IL31RA: variants seen among roughly 807,000 people sequenced by gnomAD.
IL31RA encodes the protein interleukin 31 receptor A.
IL31RA carries 66 observed loss-of-function variants against 83.7 expected under a neutral mutation model. The observed-to-expected ratio is 0.79, with a 90% CI of 0.65 to 0.97. IL31RA has a LOEUF of 0.97. Ranked by LOEUF, IL31RA falls within the 50% of genes least tolerant of loss-of-function variation. The pLI is 0.00. For synonymous variants in IL31RA, 325 were observed against 329.0 expected (o/e 0.99, Z 0.13); for missense variants, 798 against 919.4 (o/e 0.87, Z 1.71).
At chr5:55,911,067 C>G (rs1561124281) in intron 12 of IL31RA, among the ~76,000 whole-genome samples, 1 of 152,162 alleles carries the variant, frequency 6.6e-6, no homozygotes, top group Non-Finnish European at 1.5e-5. Flanking sequence ...TTTCACGCTG[C>G]TGATAAAGAC....
Position 55,890,082 on chromosome 5 carries a change from CA to C in IL31RA, c.722del (p.Lys241SerfsTer13). The C allele has an allele frequency of 6.2e-7, 1 of 1,613,904 alleles. No homozygotes were observed. The highest frequency in any genetic ancestry group is 8.5e-7 in the Non-Finnish European group (1 of 1,179,874). On this transcript the variant is annotated frameshift_variant, in exon 6 of 15. Coordinates refer to ENST00000652347, the MANE Select transcript of IL31RA (RefSeq NM_139017.7). LOFTEE classifies it high-confidence loss of function. ...GCTCTGCGATGTGCGGTCAAGGAGTCAAAGTTCTGGAGTGACTGGAGCCAAG... is the reference window on the plus strand; with the variant it reads ...GCTCTGCGATGTGCGGTCAAGGAGTCAAGTTCTGGAGTGACTGGAGCCAAG... The part of the protein sequence containing the change: ...VIALRCAVKE[S>X]KFWSDWSQEK...
chr5:55,853,416 C>G, intron 1 of IL31RA: 1 of 1,441,810 alleles, frequency 6.9e-7, no homozygotes, highest in Non-Finnish European at 9.1e-7. Context: ...CGCAGACAAT[C>G]AGAGTGGAAA....
upstream of IL31RA, among the ~76,000 whole-genome samples, chr5:55,850,860 G>A (rs1745036515): frequency 6.6e-6 from 1 of 152,156 alleles, no homozygotes; most frequent in Non-Finnish European, 1.5e-5. Flanking sequence ...GGAGGCCGAG[G>A]CAGGTGGATC....
chr5:55,891,733 A>AT (rs1748005465), intron 6 of IL31RA, among the ~76,000 whole-genome samples: 1 of 132,828 alleles, frequency 7.5e-6, no homozygotes, highest in Admixed American at 7.8e-5. Flanking sequence ...ATAAGGAAAC[A>AT]TTTACAGGTT....
intron 4 of IL31RA, among the ~76,000 whole-genome samples, chr5:55,876,835 A>G (rs955641073): frequency 1.3e-5 from 2 of 151,714 alleles, no homozygotes; most frequent in East Asian, 3.9e-4. Flanking sequence ...CCTCAAATGA[A>G]CCCTCTGCTT....
intron 7 of IL31RA, among the ~76,000 whole-genome samples, chr5:55,897,667 GAGA>G (rs34676337): frequency 0.27 from 41,507 of 151,828 alleles, 5,853 homozygotes; most frequent in East Asian, 0.38. Context: ...GGGGAATGCA[GAGA>G]AGAAGAAGAG....
At chr5:55,895,611 A>C (rs1364551163) in intron 6 of IL31RA, among the ~76,000 whole-genome samples, 3 of 152,162 alleles carry the variant, frequency 2.0e-5, no homozygotes, top group Non-Finnish European at 4.4e-5. Flanking sequence ...CACATATATG[A>C]TATTTCTGTG....
At chr5:55,884,982 AC>A (rs1580698472) in intron 5 of IL31RA, among the ~76,000 whole-genome samples, 1 of 152,304 alleles carries the variant, frequency 6.6e-6, no homozygotes, top group East Asian at 1.9e-4. Context: ...AGATTTGATA[AC>A]ACTTCCTTCT....
intron 3 of IL31RA, 61 bp downstream of exon 3, chr5:55,868,969 C>A: frequency 1.1e-6 from 1 of 932,148 alleles, no homozygotes; most frequent in Non-Finnish European, 1.8e-6. Flanking sequence ...GCTTCTGATT[C>A]ATTCATGATT....
At position 55,917,434 on chromosome 5, in the gene IL31RA, A is replaced by T; in HGVS notation, c.*314A>T. 1.2e-6 allele frequency: 1 copy of T among 816,586 alleles called. No individual in the cohort carries two copies. The highest frequency in any genetic ancestry group is 3.6e-5 in the Admixed American group (1 of 27,404). 50.6% of individuals were successfully genotyped at this position (816,586 alleles called of 1,614,324 possible). On this transcript the variant is annotated 3_prime_UTR_variant, in exon 15 of 15. Coordinates refer to ENST00000652347, the MANE Select transcript of IL31RA (RefSeq NM_139017.7). Reference sequence around the variant, plus strand: ...AGGGCCCAGGTTCTGAGCCCAAAGGACCCCCAGGGTGGACATATCTGGCCT... The same window carrying T: ...AGGGCCCAGGTTCTGAGCCCAAAGGTCCCCCAGGGTGGACATATCTGGCCT...
intron 8 of IL31RA, among the ~76,000 whole-genome samples, chr5:55,901,804 G>A (rs767122776): frequency 3.6e-4 from 55 of 151,630 alleles, no homozygotes; most frequent in Non-Finnish European, 6.2e-4. Context: ...TAGTAGCGAC[G>A]GGGTTTCTCC....
intron 3 of IL31RA, among the ~76,000 whole-genome samples, chr5:55,871,299 A>AAAAT (rs1746490147): frequency 6.6e-6 from 1 of 152,194 alleles, no homozygotes; most frequent in Admixed American, 6.5e-5. Flanking sequence ...TTCTAGTTTC[A>AAAAT]AAATTCCATG....
chr5:55,846,110 G>A, the IL31RA span, among the ~76,000 whole-genome samples: 1 of 152,162 alleles, frequency 6.6e-6, no homozygotes, highest in Admixed American at 6.5e-5. Context: ...GTGTTCTGGG[G>A]AGCTGTGATT....
intron 2 of IL31RA, among the ~76,000 whole-genome samples, chr5:55,862,836 C>T (rs925836192): frequency 2.6e-5 from 4 of 152,260 alleles, no homozygotes; most frequent in African/African-American, 9.6e-5. Context: ...CCGTGGCAGT[C>T]TTAAGGAGTA....
chr5:55,881,716 ATTTTTTTTTTTTTTT>A (rs34217814), intron 4 of IL31RA, among the ~76,000 whole-genome samples: 2 of 59,630 alleles, frequency 3.4e-5, no homozygotes. Flanking sequence ...AGTTCCTGAG[ATTTTTTTTTTTTTTT>A]TTTTTTTTTT....
At chr5:55,871,119 A>T (rs1221156924) in intron 3 of IL31RA, among the ~76,000 whole-genome samples, 2 of 152,346 alleles carry the variant, frequency 1.3e-5, no homozygotes, top group Middle Eastern at 3.4e-3. Context: ...ACAGATGAGA[A>T]AACTAAGGCA....
Position 55,922,448 on chromosome 5 carries a change from C to G in IL31RA, c.*5328C>G. 1 of 1,547,836 alleles carries G rather than the reference C, an allele frequency of 6.5e-7. No homozygotes were observed. Among genetic ancestry groups the G allele is most frequent in the Non-Finnish European group, 8.7e-7 (1 of 1,144,212 alleles). ...TTCAATATAAGTGTGGACTAAAATG[C>G]GAGAAAGGTGTCCTGTGGTCTATGC... is the stretch of plus-strand genomic sequence containing the variant. On this transcript the variant is annotated 3_prime_UTR_variant, in exon 15 of 15. Transcript: ENST00000652347.
At chr5:55,869,842 T>C in intron 3 of IL31RA, among the ~76,000 whole-genome samples, 1 of 152,204 alleles carries the variant, frequency 6.6e-6, no homozygotes, top group East Asian at 1.9e-4. Context: ...GGGGCCCATG[T>C]TGGGAAGCAT....
intron 2 of IL31RA, among the ~76,000 whole-genome samples, chr5:55,867,254 C>CGCAT (rs1746203516): frequency 8.0e-5 from 2 of 24,982 alleles, no homozygotes; most frequent in African/African-American, 1.6e-4. Context: ...TTTGTGTGTG[C>CGCAT]GTGTGTTTGT....
Sources: allele counts gnomAD v4.1 joint callset (sites outside exome capture counted in the v4.1 genomes callset), GRCh38; gene constraint gnomAD v4.1.1; transcripts MANE v1.5; gene names NCBI Gene and HGNC (gene_info 2026-07-23, HGNC 2026-07-21).